RBFOX1: variants seen among roughly 807,000 people sequenced by gnomAD.
RBFOX1 encodes the protein RNA binding fox-1 homolog 1.
A neutral mutation model predicts 57.7 loss-of-function variants in RBFOX1; 8 were observed. That is an observed-to-expected ratio of 0.14 (90% CI 0.08 to 0.25). RBFOX1 has a LOEUF of 0.25. Ranked by LOEUF, RBFOX1 falls within the 10% of genes least tolerant of loss-of-function variation. The probability of loss-of-function intolerance (pLI) is 1.00; values close to 1 mark genes in which losing one functional copy is unlikely to be tolerated. For synonymous variants in RBFOX1, 326 were observed against 222.4 expected, an observed-to-expected ratio of 1.47 and a Z score of -4.15; for missense variants, 611 against 548.5, an observed-to-expected ratio of 1.11 and a Z score of -1.14.
intron 4 of RBFOX1, among the ~76,000 whole-genome samples, chr16:5,953,385 G>A (rs533998111): frequency 6.6e-6 from 1 of 152,218 alleles, no homozygotes; most frequent in African/African-American, 2.4e-5. Context: ...GGTGGTGTTT[G>A]GTTACATGAG....
intron 1 of RBFOX1, among the ~76,000 whole-genome samples, chr16:5,457,483 C>T (rs2068665069): frequency 6.6e-6 from 1 of 152,180 alleles, no homozygotes; most frequent in African/African-American, 2.4e-5. Flanking sequence ...TAGAGTTCCA[C>T]TTTCATGAGC....
intron 1 of RBFOX1, among the ~76,000 whole-genome samples, chr16:5,380,479 T>G (rs920140945): frequency 6.6e-6 from 1 of 152,198 alleles, no homozygotes; most frequent in Non-Finnish European, 1.5e-5. Context: ...GCACTTGTAC[T>G]TGTTGGGTAC....
At chr16:5,559,176 A>G (rs1366513252) in intron 2 of RBFOX1, among the ~76,000 whole-genome samples, 1 of 151,320 alleles carries the variant, frequency 6.6e-6, no homozygotes, top group African/African-American at 2.4e-5. Context: ...AAAAAAAAAA[A>G]AAAAAAAAAA....
In RBFOX1 at chr16:7,208,181, A is replaced by G. The variant is rs968116878; in HGVS notation, c.27+156083A>G. On this transcript the variant is annotated intron_variant, in intron 4 of 15. Coordinates refer to ENST00000550418, the MANE Select transcript of RBFOX1 (RefSeq NM_018723.4). ...GCAGGTATCTTACTTGGGCTGAGGT[A>G]TGAAACTGTAGCCAATTATGTCACC... Among the ~76,000 whole-genome samples, 14 of 152,156 alleles carry G rather than the reference A, an allele frequency of 9.2e-5. No homozygotes were observed. The East Asian group carries it at 2.3e-3, about 25-fold the overall frequency.
At chr16:6,927,353 C>T (rs1410089924) in intron 3 of RBFOX1, among the ~76,000 whole-genome samples, 1 of 132,340 alleles carries the variant, frequency 7.6e-6, no homozygotes, top group African/African-American at 2.9e-5. Context: ...GCAGAGGTTG[C>T]AGTGAGCTGA....
intron 3 of RBFOX1, among the ~76,000 whole-genome samples, chr16:6,931,566 A>G (rs975256788): frequency 1.3e-5 from 2 of 151,706 alleles, no homozygotes; most frequent in East Asian, 1.9e-4. Context: ...GTCAATTCAC[A>G]CTCTTGCCAC....
At chr16:6,281,983 G>A (rs891069567) in intron 1 of RBFOX1, among the ~76,000 whole-genome samples, 3 of 152,102 alleles carry the variant, frequency 2.0e-5, no homozygotes, top group Admixed American at 2.0e-4. Flanking sequence ...ACGGGTGAGC[G>A]TTTGTTATTG....
intron 3 of RBFOX1, among the ~76,000 whole-genome samples, chr16:6,806,394 C>T (rs1296810300): frequency 6.6e-6 from 1 of 152,046 alleles, no homozygotes; most frequent in African/African-American, 2.4e-5. Flanking sequence ...AAGGAAAAAC[C>T]AGAAAGACTG....
intron 3 of RBFOX1, among the ~76,000 whole-genome samples, chr16:6,919,554 A>G (rs2073997336): frequency 6.6e-6 from 1 of 152,108 alleles, no homozygotes; most frequent in African/African-American, 2.4e-5. Flanking sequence ...ACTCTCTTAG[A>G]CATTTCTCCA....
intron 4 of RBFOX1, among the ~76,000 whole-genome samples, chr16:7,213,702 C>T (rs1302813225): frequency 2.6e-5 from 4 of 152,148 alleles, no homozygotes; most frequent in Admixed American, 6.5e-5. Context: ...ATTTTATACT[C>T]AAGGGACCGA....
At chr16:5,569,075 C>G (rs1815737885) in intron 2 of RBFOX1, among the ~76,000 whole-genome samples, 1 of 150,818 alleles carries the variant, frequency 6.6e-6, no homozygotes, top group Non-Finnish European at 1.5e-5. Flanking sequence ...TGGTCTCGAA[C>G]TCCTGACCTC....
intron 4 of RBFOX1, among the ~76,000 whole-genome samples, chr16:7,223,519 T>C (rs139068807): frequency 1.4e-3 from 208 of 152,270 alleles, no homozygotes; most frequent in Non-Finnish European, 2.4e-3. Context: ...CCTGTGGAAG[T>C]TACTTATCAG....
intron 3 of RBFOX1, among the ~76,000 whole-genome samples, chr16:5,703,398 G>C (rs1161734078): frequency 6.6e-6 from 1 of 152,204 alleles, no homozygotes; most frequent in Non-Finnish European, 1.5e-5. Context: ...GATGGAGTTT[G>C]GTTCACTGGA....
At chr16:6,993,967 G>A (rs1174038854) in intron 3 of RBFOX1, among the ~76,000 whole-genome samples, 1 of 152,168 alleles carries the variant, frequency 6.6e-6, no homozygotes, top group African/African-American at 2.4e-5. Context: ...AGATTATGCA[G>A]GGAAGAGGGG....
chr16:5,424,005 T>G (rs2067435387), intron 1 of RBFOX1, among the ~76,000 whole-genome samples: 2 of 152,182 alleles, frequency 1.3e-5, no homozygotes, highest in African/African-American at 4.8e-5. Context: ...AATCTAAGGA[T>G]AAAGAAGGAG....
At chr16:5,354,381 T>G (rs149786943) in intron 1 of RBFOX1, among the ~76,000 whole-genome samples, 6 of 152,292 alleles carry the variant, frequency 3.9e-5, no homozygotes, top group Middle Eastern at 6.8e-3. Context: ...CGACTTGAAT[T>G]ACAACCCAGA....
chr16:7,709,937 T>G, intron 15 of RBFOX1: 1 of 1,026,112 alleles, frequency 9.7e-7, no homozygotes, highest in Non-Finnish European at 1.2e-6. Context: ...GTCCTTACCC[T>G]AAAAATGAAT....
At chr16:6,547,237 T>G (rs1024694113) in intron 2 of RBFOX1, among the ~76,000 whole-genome samples, 1 of 152,178 alleles carries the variant, frequency 6.6e-6, no homozygotes, top group African/African-American at 2.4e-5. Flanking sequence ...AGTATCTGTT[T>G]TTTCTTCCTC....
At chr16:6,105,605 T>A (rs2096368951) in intron 1 of RBFOX1, among the ~76,000 whole-genome samples, 1 of 152,024 alleles carries the variant, frequency 6.6e-6, no homozygotes, top group African/African-American at 2.4e-5. Context: ...GACACTACCT[T>A]TTATTTTATT....
Sources: gnomAD v4.1 joint callset for allele counts (sites outside exome capture counted in the v4.1 genomes callset) on GRCh38, gnomAD v4.1.1 for gene constraint, MANE v1.5 for transcripts, NCBI Gene and HGNC (gene_info 2026-07-23, HGNC 2026-07-21) for gene names.